Variants in LHFPL3 observed in about 807,000 individuals in gnomAD.
The protein encoded by LHFPL3 is LHFPL tetraspan subfamily member 3 protein.
LHFPL3 carries 5 observed loss-of-function variants against 19.3 expected under a neutral mutation model. That is an observed-to-expected ratio of 0.26 (90% CI 0.14 to 0.54). The LOEUF (loss-of-function observed/expected upper bound fraction) is 0.54, where lower values mean the gene tolerates loss of function less well. Among genes scored for constraint, LHFPL3 ranks in the 20% least tolerant of loss-of-function variants. The pLI is 0.94. For synonymous variants in LHFPL3, 133 were observed against 126.2 expected, an observed-to-expected ratio of 1.05 and a Z score of -0.36; for missense variants, 249 against 307.4, an observed-to-expected ratio of 0.81 and a Z score of 1.42.
At chr7:104,385,868 G>C (rs149865981) in intron 1 of LHFPL3, among the ~76,000 whole-genome samples, 134 of 151,006 alleles carry the variant, frequency 8.9e-4, no homozygotes, top group African/African-American at 3.0e-3. Context: ...TCTGAAAAAA[G>C]AAAGCACTTC....
chr7:104,906,096 A>G, intron 2 of LHFPL3, 91 bp from the exon 3 acceptor site: 1 of 1,245,824 alleles, frequency 8.0e-7, no homozygotes, highest in South Asian at 1.3e-5. Flanking sequence ...TTCCGTGACA[A>G]ATATTATGCA....
chr7:104,383,850 G>A (rs1790881640), intron 1 of LHFPL3, among the ~76,000 whole-genome samples: 1 of 152,136 alleles, frequency 6.6e-6, no homozygotes, highest in Admixed American at 6.5e-5. Flanking sequence ...TTTGAATCTT[G>A]AATGTCAATG....
At chr7:104,764,254 C>T (rs181505085) in intron 2 of LHFPL3, among the ~76,000 whole-genome samples, 8 of 151,640 alleles carry the variant, frequency 5.3e-5, no homozygotes, top group Non-Finnish European at 7.4e-5. Flanking sequence ...CTGCAACCTC[C>T]GCCCCCAAGT....
At chr7:104,644,032 G>C (rs1342754845) in intron 1 of LHFPL3, among the ~76,000 whole-genome samples, 2 of 152,132 alleles carry the variant, frequency 1.3e-5, no homozygotes, top group Non-Finnish European at 1.5e-5. Flanking sequence ...AACTCTATGG[G>C]GAGAGTATAG....
chr7:104,843,886 T>A (rs969840857), intron 2 of LHFPL3, among the ~76,000 whole-genome samples: 2 of 152,120 alleles, frequency 1.3e-5, no homozygotes, highest in East Asian at 1.9e-4. Flanking sequence ...TTAAATAAGA[T>A]CTGTCTCAAT....
intron 2 of LHFPL3, among the ~76,000 whole-genome samples, chr7:104,878,635 G>A (rs1050483275): frequency 4.6e-5 from 7 of 152,082 alleles, no homozygotes; most frequent in Admixed American, 1.3e-4. Flanking sequence ...GCCTACTTAA[G>A]TACTAAACAG....
intron 1 of LHFPL3, among the ~76,000 whole-genome samples, chr7:104,689,507 C>T (rs1456918141): frequency 1.3e-5 from 2 of 152,156 alleles, no homozygotes; most frequent in African/African-American, 4.8e-5. Flanking sequence ...CAGTCAATTT[C>T]CAGACTTGAA....
intron 1 of LHFPL3, among the ~76,000 whole-genome samples, chr7:104,448,638 A>G (rs1186345113): frequency 2.0e-5 from 3 of 152,148 alleles, no homozygotes; most frequent in African/African-American, 4.8e-5. Flanking sequence ...AAACTGTACA[A>G]TGTTCTATTT....
At chr7:104,672,434 G>T (rs1792502465) in intron 1 of LHFPL3, among the ~76,000 whole-genome samples, 1 of 152,130 alleles carries the variant, frequency 6.6e-6, no homozygotes, top group Non-Finnish European at 1.5e-5. Context: ...CACAGTGAAT[G>T]TATTGAATAA....
chr7:104,713,215 G>T (rs1793326678), intron 1 of LHFPL3, among the ~76,000 whole-genome samples: 1 of 152,174 alleles, frequency 6.6e-6, no homozygotes, highest in African/African-American at 2.4e-5. Context: ...GAGTGGTAAA[G>T]AAATGAAAGA....
intron 2 of LHFPL3, among the ~76,000 whole-genome samples, chr7:104,864,412 C>T (rs1791679944): frequency 6.6e-6 from 1 of 152,174 alleles, no homozygotes; most frequent in African/African-American, 2.4e-5. Flanking sequence ...CAGGTCACTC[C>T]CACCCTAATA....
At chr7:104,489,022 C>A (rs1793289226) in intron 1 of LHFPL3, among the ~76,000 whole-genome samples, 1 of 151,938 alleles carries the variant, frequency 6.6e-6, no homozygotes, top group African/African-American at 2.4e-5. Context: ...ACTTGGTTTA[C>A]TGCTTTATTC....
chr7:104,853,959 T>C (rs1562815221), intron 2 of LHFPL3, among the ~76,000 whole-genome samples: 1 of 152,090 alleles, frequency 6.6e-6, no homozygotes, highest in Non-Finnish European at 1.5e-5. Context: ...AACTTAAAAG[T>C]AAAAAGCAAA....
chr7:104,758,155 A>T (rs1041624681), intron 2 of LHFPL3, among the ~76,000 whole-genome samples: 9 of 152,186 alleles, frequency 5.9e-5, no homozygotes, highest in Non-Finnish European at 1.0e-4. Context: ...GTATATATAG[A>T]CATAAACATG....
chr7:104,775,073 C>A (rs1296012703), intron 2 of LHFPL3, among the ~76,000 whole-genome samples: 1 of 152,138 alleles, frequency 6.6e-6, no homozygotes, highest in Non-Finnish European at 1.5e-5. Flanking sequence ...AATAGGATAA[C>A]CATAATACAG....
At chr7:104,611,739 G>C (rs544909825) in intron 1 of LHFPL3, among the ~76,000 whole-genome samples, 6 of 152,088 alleles carry the variant, frequency 3.9e-5, no homozygotes, top group Admixed American at 1.3e-4. Flanking sequence ...ACTAAAAAAG[G>C]GGGGGAGGAA....
chr7:104,644,492 A>G (rs1472491235), intron 1 of LHFPL3, among the ~76,000 whole-genome samples: 2 of 152,244 alleles, frequency 1.3e-5, no homozygotes, highest in East Asian at 3.9e-4. Context: ...GGCAGCATCC[A>G]TGCCCGCTCC....
chr7:104,687,543 T>C (rs1445465051), intron 1 of LHFPL3, among the ~76,000 whole-genome samples: 1 of 152,228 alleles, frequency 6.6e-6, no homozygotes, highest in Non-Finnish European at 1.5e-5. Flanking sequence ...CGTGAAGTTA[T>C]TTAGGGGCCC....
At chr7:104,762,695 GC>G (rs1338967998) in intron 2 of LHFPL3, among the ~76,000 whole-genome samples, 3 of 152,158 alleles carry the variant, frequency 2.0e-5, no homozygotes, top group Admixed American at 6.5e-5. Context: ...AGTTACAAAG[GC>G]CTTTGTAGTC....
Sources: gnomAD v4.1 joint callset for allele counts (sites outside exome capture counted in the v4.1 genomes callset) on GRCh38, gnomAD v4.1.1 for gene constraint, MANE v1.5 for transcripts, NCBI Gene and HGNC (gene_info 2026-07-23, HGNC 2026-07-21) for gene names.